PLOD2: variants seen among roughly 807,000 people sequenced by gnomAD.
PLOD2 encodes lysine hydroxylase 2.
In PLOD2, 65 loss-of-function variants were observed where a neutral mutation model predicts 101.0. That is an observed-to-expected ratio of 0.64 (90% CI 0.53 to 0.79). The LOEUF is 0.79. Ranked by LOEUF, PLOD2 falls within the 30% of genes least tolerant of loss-of-function variation. PLOD2 has a pLI of 0.00. For synonymous variants in PLOD2, 314 were observed against 302.9 expected (o/e 1.04, Z -0.38); for missense variants, 909 against 914.6 (o/e 0.99, Z 0.08).
chr3:146,113,666 C>T (rs112073324), intron 3 of PLOD2, among the ~76,000 whole-genome samples: 2,137 of 152,286 alleles, frequency 0.014, 55 homozygotes, highest in African/African-American at 0.048. Context: ...ATCTCTTAAT[C>T]CCGTCATCTT....
intron 3 of PLOD2, among the ~76,000 whole-genome samples, chr3:146,118,392 C>G (rs899156065): frequency 2.7e-5 from 4 of 146,770 alleles, no homozygotes; most frequent in Non-Finnish European, 5.9e-5. Context: ...TAAGTGTGTA[C>G]GGCACTGGGA....
At position 146,077,865 on chromosome 3, in the gene PLOD2, TG is replaced by T. The variant is rs749709000; in HGVS notation, c.1559del (p.Pro520GlnfsTer47). The part of the protein sequence containing the change: ...TPETFQMLSP[P>X]KGVFMYISNR... Reference sequence around the variant, plus strand: ...ATAAAATAAGTAAAAATAACACCTTTGGGGGGCTGAGCATTTGGAATGTTTC... The same window carrying T: ...ATAAAATAAGTAAAAATAACACCTTTGGGGGCTGAGCATTTGGAATGTTTC... On this transcript the variant is annotated frameshift_variant, in exon 14 of 20. Coordinates refer to ENST00000282903, the MANE Select transcript of PLOD2 (RefSeq NM_182943.3). LOFTEE classifies it high-confidence loss of function. 1.3e-6 allele frequency: 2 copies of T among 1,573,778 alleles called. No homozygotes were observed. The highest frequency in any genetic ancestry group is 1.3e-5 in the African/African-American group (1 of 74,146).
intron 7 of PLOD2, among the ~76,000 whole-genome samples, chr3:146,093,840 A>G (rs1030648385): frequency 6.6e-5 from 10 of 152,206 alleles, no homozygotes; most frequent in African/African-American, 2.2e-4. Context: ...TAGAGCATAA[A>G]AGACAGCACT....
At chr3:146,114,953 A>C (rs1937833904) in intron 3 of PLOD2, among the ~76,000 whole-genome samples, 1 of 152,180 alleles carries the variant, frequency 6.6e-6, no homozygotes, top group South Asian at 2.1e-4. Flanking sequence ...ACTGAGAAGA[A>C]TTCCAGGATT....
Position 146,102,867 on chromosome 3 carries a change from G to A in PLOD2, c.680-15C>T. 4 of 1,328,834 alleles carry A rather than the reference G, an allele frequency of 3.0e-6. No individual in the cohort carries two copies. Among genetic ancestry groups the A allele is most frequent in the Non-Finnish European group, 4.3e-6 (4 of 920,164 alleles). 82.3% of individuals were successfully genotyped at this position (1,328,834 alleles called of 1,614,324 possible). A position where few individuals can be genotyped will look rare whatever the true frequency, so the allele number is the denominator to read the frequency against. ...AACAACTTCATCTGGGTTAAAAAGA[G>A]AAAATAGGCTTTAGTAATTTAAAAT... On this transcript the variant is annotated splice_polypyrimidine_tract_variant and intron_variant, in intron 6 of 19. Transcript: ENST00000282903.
At chr3:146,111,801 G>A (rs890127300) in intron 3 of PLOD2, among the ~76,000 whole-genome samples, 7 of 151,126 alleles carry the variant, frequency 4.6e-5, no homozygotes, top group Admixed American at 2.6e-4. Context: ...TTCCTCAACC[G>A]GATTTAACGG....
intron 3 of PLOD2, among the ~76,000 whole-genome samples, chr3:146,118,867 T>C (rs560400490): frequency 6.6e-6 from 1 of 152,320 alleles, no homozygotes; most frequent in East Asian, 1.9e-4. Context: ...CCCGTCTCAA[T>C]AGTAAAGCTC....
chr3:146,119,820 A>C (rs1366805083), intron 3 of PLOD2, among the ~76,000 whole-genome samples: 1 of 151,988 alleles, frequency 6.6e-6, no homozygotes, highest in East Asian at 1.9e-4. Flanking sequence ...TATGTGCCAC[A>C]TTTTCTTAAT....
chr3:146,118,774 A>G (rs1345300495), intron 3 of PLOD2, among the ~76,000 whole-genome samples: 1 of 152,192 alleles, frequency 6.6e-6, no homozygotes, highest in Non-Finnish European at 1.5e-5. Flanking sequence ...CTTTCTTAGT[A>G]ACACAGGCTT....
chr3:146,115,285 G>A lies in PLOD2; in HGVS notation c.339-4837C>T, dbSNP rs1005755884. Among the ~76,000 whole-genome samples, 54 of 152,164 alleles carry A rather than the reference G, an allele frequency of 3.5e-4. 1 individual carries two copies. Among genetic ancestry groups the A allele is most frequent in the Admixed American group, 9.2e-4 (14 of 15,276 alleles). ...AAAATAAAATTTTCCACATATAACT[G>A]TGGTAAGTATGCCTGGGTCCTGAAA... On this transcript the variant is annotated intron_variant, in intron 3 of 19. Transcript: ENST00000282903.
intron 7 of PLOD2, among the ~76,000 whole-genome samples, chr3:146,098,348 C>G (rs1026577330): frequency 6.6e-5 from 10 of 152,020 alleles, no homozygotes; most frequent in Non-Finnish European, 1.3e-4. Flanking sequence ...AGTAAACCTT[C>G]AAATTAGAAA....
chr3:146,091,286 T>A (rs1426990502), intron 8 of PLOD2, among the ~76,000 whole-genome samples: 1 of 151,846 alleles, frequency 6.6e-6, no homozygotes, highest in Admixed American at 6.6e-5. Flanking sequence ...TTACTTACAT[T>A]TATGCACCTC....
intron 1 of PLOD2, among the ~76,000 whole-genome samples, chr3:146,138,775 A>T (rs2031372414): frequency 6.6e-6 from 1 of 152,214 alleles, no homozygotes; most frequent in Non-Finnish European, 1.5e-5. Context: ...GAGATGATAT[A>T]ATAGCTACTA....
In PLOD2 at chr3:146,070,496, C is replaced by T; in HGVS notation, c.*221G>A. ...ATAGAAATAAATATTTAAGTTTTTT[C>T]TTTCTTTTCTTCTTCAATCTGTGTT... On this transcript the variant is annotated 3_prime_UTR_variant, in exon 20 of 20. Coordinates refer to ENST00000282903, the MANE Select transcript of PLOD2 (RefSeq NM_182943.3). 2.9e-6 allele frequency: 1 copy of T among 347,656 alleles called. No individual in the cohort carries two copies. The highest frequency in any genetic ancestry group is 5.2e-6 in the Non-Finnish European group (1 of 191,310). 21.5% of individuals were successfully genotyped at this position (347,656 alleles called of 1,614,324 possible). A position where few individuals can be genotyped will look rare whatever the true frequency, so the allele number is the denominator to read the frequency against.
intron 1 of PLOD2, among the ~76,000 whole-genome samples, chr3:146,131,303 G>T (rs929099591): frequency 3.3e-5 from 5 of 152,162 alleles, no homozygotes; most frequent in African/African-American, 1.2e-4. Flanking sequence ...TCATAGACAT[G>T]AGTACAACCA....
intron 7 of PLOD2, among the ~76,000 whole-genome samples, chr3:146,095,503 A>G (rs1349441817): frequency 6.6e-6 from 1 of 152,178 alleles, no homozygotes; most frequent in Admixed American, 6.5e-5. Context: ...TCAAAACCAC[A>G]ATGAGATACC....
In PLOD2 at chr3:146,161,028, G is replaced by T. The variant is rs1003919402; in HGVS notation, c.-39C>A. ...GGGCCGCGCGGGCTCAGGCGCCCACGGCCCCGCAGCGCCGCGCTTCTCGCG... is the reference window on the plus strand; with the variant it reads ...GGGCCGCGCGGGCTCAGGCGCCCACTGCCCCGCAGCGCCGCGCTTCTCGCG... On this transcript the variant is annotated 5_prime_UTR_variant, in exon 1 of 20. Coordinates refer to ENST00000282903, the MANE Select transcript of PLOD2 (RefSeq NM_182943.3). The T allele has an allele frequency of 5.2e-6, 7 of 1,355,106 alleles. No homozygotes were observed. Among genetic ancestry groups the T allele is most frequent in the Non-Finnish European group, 7.2e-6 (7 of 970,336 alleles). 83.9% of individuals were successfully genotyped at this position (1,355,106 alleles called of 1,614,324 possible).
intron 1 of PLOD2, among the ~76,000 whole-genome samples, chr3:146,155,306 AGAGT>A (rs1300107290): frequency 2.0e-5 from 3 of 149,754 alleles, no homozygotes; most frequent in Non-Finnish European, 4.4e-5. Context: ...CCTGACCTAC[AGAGT>A]GAGACCCTGT....
At chr3:146,146,364 T>C (rs2031774877) in intron 1 of PLOD2, among the ~76,000 whole-genome samples, 1 of 152,194 alleles carries the variant, frequency 6.6e-6, no homozygotes, top group Non-Finnish European at 1.5e-5. Context: ...CTAAGATGTA[T>C]TCCTGTGAGA....
Sources: gnomAD v4.1 joint callset for allele counts (sites outside exome capture counted in the v4.1 genomes callset) on GRCh38, gnomAD v4.1.1 for gene constraint, MANE v1.5 for transcripts, NCBI Gene and HGNC (gene_info 2026-07-23, HGNC 2026-07-21) for gene names.